Variants in RASGEF1A observed in about 807,000 individuals in gnomAD.
RASGEF1A encodes RasGEF domain family member 1A, also known as ras-GEF domain-containing family member 1A.
A neutral mutation model predicts 56.4 loss-of-function variants in RASGEF1A; 18 were observed. That is an observed-to-expected ratio of 0.32 (90% CI 0.22 to 0.47). RASGEF1A has a LOEUF of 0.47. Among genes scored for constraint, RASGEF1A ranks in the 20% least tolerant of loss-of-function variants. RASGEF1A has a pLI of 1.00. For missense variants in RASGEF1A, 422 were observed against 627.1 expected (o/e 0.67, Z 3.49); for synonymous variants, 245 against 242.6 (o/e 1.01, Z -0.09).
chr10:43,257,376 G>A (rs1836437664), intron 1 of RASGEF1A, among the ~76,000 whole-genome samples: 2 of 152,364 alleles, frequency 1.3e-5, no homozygotes, highest in Admixed American at 1.3e-4. Flanking sequence ...TCAGCCACAT[G>A]GGGCCTTGCC....
At chr10:43,251,321 G>C (rs1303186849) in intron 1 of RASGEF1A, among the ~76,000 whole-genome samples, 1 of 152,134 alleles carries the variant, frequency 6.6e-6, no homozygotes, top group East Asian at 1.9e-4. Flanking sequence ...CCCAATATGA[G>C]GACTGTGTGC....
chr10:43,237,275 T>C (rs1425882187), intron 1 of RASGEF1A, among the ~76,000 whole-genome samples: 1 of 151,946 alleles, frequency 6.6e-6, no homozygotes, highest in East Asian at 1.9e-4. Flanking sequence ...GGTCCTTGGT[T>C]TCCACCCATC....
intron 1 of RASGEF1A, among the ~76,000 whole-genome samples, chr10:43,262,135 G>C (rs1393949566): frequency 2.0e-5 from 3 of 152,152 alleles, no homozygotes; most frequent in African/African-American, 7.2e-5. Context: ...CAGAGAGAGT[G>C]GGGGAGGGTC....
intron 1 of RASGEF1A, 138 bp from the exon 2 acceptor site, chr10:43,206,260 C>T: frequency 1.4e-6 from 1 of 735,550 alleles, no homozygotes; most frequent in East Asian, 2.7e-5. Context: ...GCAGAGGGCA[C>T]CCCCATTCCA....
intron 7 of RASGEF1A, 56 bp from the exon 8 acceptor site, chr10:43,199,250 G>C: frequency 7.2e-7 from 1 of 1,383,380 alleles, no homozygotes; most frequent in South Asian, 1.2e-5. Flanking sequence ...CAGGAGCTGG[G>C]GCCGCCGGGC....
At chr10:43,232,256 TAGTG>T (rs1002150635) in intron 1 of RASGEF1A, among the ~76,000 whole-genome samples, 6 of 152,222 alleles carry the variant, frequency 3.9e-5, no homozygotes, top group Admixed American at 1.3e-4. Context: ...ATTCTCCTGT[TAGTG>T]AGTGAGTGAG....
At chr10:43,237,863 T>C (rs1786948658) in intron 1 of RASGEF1A, among the ~76,000 whole-genome samples, 1 of 152,130 alleles carries the variant, frequency 6.6e-6, no homozygotes, top group South Asian at 2.1e-4. Context: ...AGGACCGCCA[T>C]GTGATGTCTC....
At chr10:43,216,206 A>AC (rs1035937641) in intron 1 of RASGEF1A, among the ~76,000 whole-genome samples, 22 of 152,146 alleles carry the variant, frequency 1.4e-4, no homozygotes, top group Non-Finnish European at 1.5e-5. Flanking sequence ...CGCTGGAGCC[A>AC]CCAGCACCCC....
At chr10:43,205,014 AC>A (rs1281006811) in intron 2 of RASGEF1A, among the ~76,000 whole-genome samples, 1 of 152,200 alleles carries the variant, frequency 6.6e-6, no homozygotes, top group Non-Finnish European at 1.5e-5. Context: ...GGAGTGGGCA[AC>A]AGAAAGGCAA....
intron 1 of RASGEF1A, among the ~76,000 whole-genome samples, chr10:43,246,503 T>C (rs1840568411): frequency 6.6e-6 from 1 of 152,196 alleles, no homozygotes; most frequent in Admixed American, 6.5e-5. Flanking sequence ...AGGACTCACA[T>C]TTCCTGACTT....
chr10:43,251,171 CT>C (rs1302427451), intron 1 of RASGEF1A, among the ~76,000 whole-genome samples: 1 of 152,232 alleles, frequency 6.6e-6, no homozygotes, highest in African/African-American at 2.4e-5. Flanking sequence ...CCTGATGGCA[CT>C]CTTCTGCAAC....
chr10:43,240,086 G>A (rs980055236), intron 1 of RASGEF1A, among the ~76,000 whole-genome samples: 3 of 152,206 alleles, frequency 2.0e-5, no homozygotes, highest in African/African-American at 4.8e-5. Context: ...GAGTCTCTGT[G>A]CAAGCAGGAA....
intron 1 of RASGEF1A, among the ~76,000 whole-genome samples, chr10:43,236,590 C>T (rs979132846): frequency 1.1e-4 from 17 of 152,266 alleles, no homozygotes; most frequent in African/African-American, 3.9e-4. Flanking sequence ...TCGCGCCCTC[C>T]CTCCTCCTCT....
chr10:43,227,343 C>A (rs1017955825), intron 1 of RASGEF1A, among the ~76,000 whole-genome samples: 2 of 152,080 alleles, frequency 1.3e-5, no homozygotes, highest in Admixed American at 6.5e-5. Context: ...GAGTATGTGA[C>A]CCTGGGTTGT....
intron 1 of RASGEF1A, among the ~76,000 whole-genome samples, chr10:43,248,337 C>T (rs1426235642): frequency 9.5e-6 from 1 of 105,060 alleles, no homozygotes; most frequent in South Asian, 3.2e-4. Flanking sequence ...GCCTGGGCAA[C>T]AGAATGAGAC....
chr10:43,229,520 C>T (rs1209281902), intron 1 of RASGEF1A: 2 of 826,372 alleles, frequency 2.4e-6, no homozygotes, highest in East Asian at 3.4e-5. Context: ...CGCGGGTCCT[C>T]AGGGCGGGCA....
At chr10:43,199,045 G>T (rs370813665) in intron 8 of RASGEF1A, 33 bp from the exon 9 acceptor site, 62 of 1,600,760 alleles carry the variant, frequency 3.9e-5, no homozygotes, top group Middle Eastern at 1.7e-4. Context: ...TCAGGGCCGG[G>T]GGGGTGGGCC....
At chr10:43,225,452 TGTGTCTCTGTGTCTGTGTGCCTGC>T (rs374831719) in intron 1 of RASGEF1A, among the ~76,000 whole-genome samples, 10 of 151,912 alleles carry the variant, frequency 6.6e-5, no homozygotes, top group Non-Finnish European at 1.0e-4. Flanking sequence ...TCTGTGTTTG[TGTGTCTCTGTGTCTGTGTGCCTGC>T]GTGTCTCTGT....
chr10:43,242,114 G>A (rs1404382020), intron 1 of RASGEF1A, among the ~76,000 whole-genome samples: 2 of 152,166 alleles, frequency 1.3e-5, no homozygotes, highest in Admixed American at 6.5e-5. Context: ...CTCCAGCCTA[G>A]ACGACAGAAC....
Sources: gnomAD v4.1 joint callset for allele counts (sites outside exome capture counted in the v4.1 genomes callset) on GRCh38, gnomAD v4.1.1 for gene constraint, MANE v1.5 for transcripts, NCBI Gene and HGNC (gene_info 2026-07-23, HGNC 2026-07-21) for gene names.